SLC22A25: variants seen among roughly 807,000 people sequenced by gnomAD.
SLC22A25 encodes the protein MGI:2442751, MGI:2385316, MGI:3042283, MGI:3645714, MGI:3605624, MGI:2442750.
A neutral mutation model predicts 45.9 loss-of-function variants in SLC22A25; 44 were observed. That is an observed-to-expected ratio of 0.96 (90% CI 0.75 to 1.23). The LOEUF (loss-of-function observed/expected upper bound fraction) is 1.23, where lower values mean the gene tolerates loss of function less well. Ranked by LOEUF, SLC22A25 falls within the 50% of genes most tolerant of loss-of-function variation. SLC22A25 has a pLI of 0.00. For synonymous variants in SLC22A25, 283 were observed against 238.6 expected (o/e 1.19, Z -1.72); for missense variants, 800 against 666.4 (o/e 1.20, Z -2.21).
intron 8 of SLC22A25, among the ~76,000 whole-genome samples, chr11:63,182,176 C>T (rs2088351911): frequency 6.6e-6 from 1 of 152,068 alleles, no homozygotes; most frequent in Middle Eastern, 3.2e-3. Flanking sequence ...CCCATTCATG[C>T]ATAGAATCCA....
At chr11:63,205,366 A>G (rs1290143957) in intron 7 of SLC22A25, among the ~76,000 whole-genome samples, 1 of 152,174 alleles carries the variant, frequency 6.6e-6, no homozygotes, top group Non-Finnish European at 1.5e-5. Context: ...CAATGAATCC[A>G]GCAGCTGTTT....
chr11:63,206,829 G>A (rs190430301), intron 7 of SLC22A25, among the ~76,000 whole-genome samples: 74 of 152,186 alleles, frequency 4.9e-4, no homozygotes, highest in African/African-American at 1.7e-3. Flanking sequence ...CCAAGGCAAT[G>A]TTAAGCAAAA....
rs2087537684 is a variant in SLC22A25 at position 63,161,865 on chromosome 11, G to T, written c.*1959C>A. On this transcript the variant is annotated 3_prime_UTR_variant, in exon 12 of 12. Transcript: ENST00000306494. ...CTCCAAACTCTTCTCCATAGTGATT[G>T]TACTAATTTACATTCCCACCAACAG... Among the ~76,000 whole-genome samples the T allele has an allele frequency of 6.6e-6, 1 of 152,106 alleles. No individual in the cohort carries two copies. The highest frequency in any genetic ancestry group is 1.5e-5 in the Non-Finnish European group (1 of 68,014).
intron 7 of SLC22A25, among the ~76,000 whole-genome samples, chr11:63,212,442 A>T (rs1049900197): frequency 2.6e-5 from 4 of 152,176 alleles, no homozygotes; most frequent in Non-Finnish European, 5.9e-5. Flanking sequence ...GATAGACTGG[A>T]TTAAGAAAAT....
At chr11:63,229,134 C>A in intron 4 of SLC22A25, 117 bp downstream of exon 4, 1 of 1,099,282 alleles carries the variant, frequency 9.1e-7, no homozygotes, top group Non-Finnish European at 1.3e-6. Context: ...TTAATGTTTC[C>A]TGAAAGAATG....
At chr11:63,196,193 A>G (rs905664549) in intron 7 of SLC22A25, among the ~76,000 whole-genome samples, 13 of 152,214 alleles carry the variant, frequency 8.5e-5, no homozygotes, top group African/African-American at 1.9e-4. Context: ...AGCTGGTACC[A>G]TTTCTTCTGA....
At chr11:63,230,512 G>A (rs928711206) in intron 3 of SLC22A25, among the ~76,000 whole-genome samples, 6 of 152,112 alleles carry the variant, frequency 3.9e-5, no homozygotes, top group African/African-American at 7.2e-5. Flanking sequence ...TATGTGAGAC[G>A]CACAATGTGC....
chr11:63,209,142 C>T (rs1338657466), intron 7 of SLC22A25, among the ~76,000 whole-genome samples: 1 of 152,102 alleles, frequency 6.6e-6, no homozygotes, highest in Admixed American at 6.5e-5. Context: ...TTAAGGTGGT[C>T]ACTGGAGTTG....
Position 63,162,868 on chromosome 11 carries a change from T to C in SLC22A25, c.*956A>G, listed in dbSNP as rs572245334. On this transcript the variant is annotated 3_prime_UTR_variant, in exon 12 of 12. Transcript: ENST00000306494. ...AGAAATGGTCTCGATTTTTCCTTTA[T>C]CTTGCTGTTTAATCAGCAATCAGCA... is the stretch of plus-strand genomic sequence containing the variant. 8.5e-5 allele frequency among the ~76,000 whole-genome samples: 13 copies of C among 152,332 alleles called. No individual in the cohort carries two copies. The South Asian group carries it at 2.7e-3, about 32-fold the overall frequency.
intron 3 of SLC22A25, among the ~76,000 whole-genome samples, chr11:63,232,221 G>A (rs2090082005): frequency 6.6e-6 from 1 of 152,114 alleles, no homozygotes; most frequent in Non-Finnish European, 1.5e-5. Flanking sequence ...AAAGACCTTG[G>A]GCAGTATGGC....
Position 63,217,428 on chromosome 11 carries a change from CAA to C in SLC22A25, c.714_715del (p.Ala240CysfsTer2). 6.2e-7 allele frequency: 1 copy of C among 1,614,040 alleles called. No individual in the cohort carries two copies. The highest frequency in any genetic ancestry group is 1.1e-5 in the South Asian group (1 of 91,078). On this transcript the variant is annotated frameshift_variant, in exon 7 of 12. Transcript: ENST00000306494. LOFTEE classifies it high-confidence loss of function. Reference sequence around the variant, plus strand: ...GGTTATATGTCCAATACTAGCAGCACAAAGTGTCAATGTCAATGCCATGGCAC... The same window carrying C: ...GGTTATATGTCCAATACTAGCAGCACAGTGTCAATGTCAATGCCATGGCAC...
At chr11:63,208,177 G>GC (rs1473866559) in intron 7 of SLC22A25, 3 of 152,336 alleles carry the variant, frequency 2.0e-5, no homozygotes, top group African/African-American at 7.2e-5. Flanking sequence ...CCATGAGGGA[G>GC]CTTCACCTGG....
intron 7 of SLC22A25, among the ~76,000 whole-genome samples, chr11:63,186,416 T>C (rs867888945): frequency 7.9e-5 from 12 of 151,430 alleles, no homozygotes; most frequent in South Asian, 2.1e-4. Flanking sequence ...GTAAATTTGT[T>C]TGAGTTCATT....
rs2087577948 is a variant in SLC22A25 at position 63,163,701 on chromosome 11, T to C, written c.*123A>G. 7.6e-7 allele frequency: 1 copy of C among 1,314,056 alleles called. No homozygotes were observed. Among genetic ancestry groups the C allele is most frequent in the African/African-American group, 1.5e-5 (1 of 67,462 alleles). The allele number at this position is 1,314,056 out of a possible 1,614,324, so 81.4% of individuals were successfully genotyped here. ...AGTGAGGCTCAGGGGATGTATGAGG[T>C]CACTGTGGAAGGGATGAGGATACAC... On this transcript the variant is annotated 3_prime_UTR_variant, in exon 12 of 12. Coordinates refer to ENST00000306494, the MANE Select transcript of SLC22A25 (RefSeq NM_199352.6).
chr11:63,163,945 G>A lies in SLC22A25; in HGVS notation c.1523C>T (p.Ser508Phe). 1.2e-6 allele frequency: 2 copies of A among 1,614,020 alleles called. No homozygotes were observed. Among genetic ancestry groups the A allele is most frequent in the Non-Finnish European group, 1.7e-6 (2 of 1,179,926 alleles). ...AGGAAGGAGGAGGACAACAAGGCCA[G>A]AGAGGATGGCAAAGACTCCATAGAT... ...WIIYGVFAIL[S>F]GLVVLLLPET... is the part of the protein sequence containing the mutation. The change falls in exon 12 of 12, where the codon TCT becomes TTT. Residue 508 changes from serine (S) to phenylalanine (F), a missense_variant. By Grantham distance (155) the Ser-to-Phe change is radical. Transcript: ENST00000306494.
At chr11:63,171,176 C>A (rs574262282) in intron 9 of SLC22A25, among the ~76,000 whole-genome samples, 1 of 152,120 alleles carries the variant, frequency 6.6e-6, no homozygotes, top group African/African-American at 2.4e-5. Flanking sequence ...ATAATAAGAG[C>A]TATTTATGAC....
Position 63,164,072 on chromosome 11 carries a change from C to G in SLC22A25, c.1396G>C (p.Gly466Arg), listed in dbSNP as rs200357222. ...ENELIPSIIR[G>R]RATGITGNFA... is the part of the protein sequence containing the mutation. Reference sequence around the variant, plus strand: ...TTTCCAGTGATTCCAGTAGCTCTTCCCCTTGGAGTAAAAACAGCAACAGAG... The same window carrying G: ...TTTCCAGTGATTCCAGTAGCTCTTCGCCTTGGAGTAAAAACAGCAACAGAG... Residue 466 changes from glycine (G) to arginine (R), a missense_variant and splice_region_variant, in exon 12 of 12, where the codon GGA becomes CGA. Gly to Arg is a moderately radical substitution (Grantham distance 125). Coordinates refer to ENST00000306494, the MANE Select transcript of SLC22A25 (RefSeq NM_199352.6). The G allele has an allele frequency of 1.2e-4, 188 of 1,572,972 alleles. No individual in the cohort carries two copies. The highest frequency in any genetic ancestry group is 2.3e-4 in the Admixed American group (12 of 51,458).
chr11:63,202,312 C>A (rs2089271091), intron 7 of SLC22A25, among the ~76,000 whole-genome samples: 1 of 152,000 alleles, frequency 6.6e-6, no homozygotes, highest in Non-Finnish European at 1.5e-5. Context: ...CCATTCACTC[C>A]CCTGTAAAGG....
chr11:63,171,624 G>A (rs2087889440), intron 9 of SLC22A25, among the ~76,000 whole-genome samples: 1 of 152,116 alleles, frequency 6.6e-6, no homozygotes, highest in South Asian at 2.1e-4. Context: ...GCTCTTCAAG[G>A]AGAACTACAA....
Sources: allele counts gnomAD v4.1 joint callset (sites outside exome capture counted in the v4.1 genomes callset), GRCh38; gene constraint gnomAD v4.1.1; transcripts MANE v1.5; gene names NCBI Gene and HGNC (gene_info 2026-07-23, HGNC 2026-07-21).